The following ATP8B4 variants were observed in gnomAD, a reference collection of about 807,000 sequenced individuals.
ATP8B4 encodes the protein ATPase phospholipid transporting 8B4 (putative).
In ATP8B4, 133 loss-of-function variants were observed where a neutral mutation model predicts 145.6. The observed-to-expected ratio is 0.91, with a 90% confidence interval of 0.79 to 1.05. ATP8B4 has a LOEUF of 1.05. Among genes scored for constraint, ATP8B4 ranks in the 50% least tolerant of loss-of-function variants. The probability of loss-of-function intolerance (pLI) is 0.00; values close to 1 mark genes in which losing one functional copy is unlikely to be tolerated. For missense variants in ATP8B4, 1,458 were observed against 1,425.2 expected, an observed-to-expected ratio of 1.02 and a Z score of -0.37; for synonymous variants, 507 against 492.9, an observed-to-expected ratio of 1.03 and a Z score of -0.38.
intron 2 of ATP8B4, among the ~76,000 whole-genome samples, chr15:50,082,539 C>T (rs1254826464): frequency 1.3e-5 from 2 of 152,158 alleles, no homozygotes; most frequent in East Asian, 1.9e-4. Flanking sequence ...GATTTGAGAA[C>T]TTTATTCCTT....
chr15:50,035,721 C>T, intron 6 of ATP8B4, among the ~76,000 whole-genome samples: 1 of 152,140 alleles, frequency 6.6e-6, no homozygotes, highest in East Asian at 1.9e-4. Context: ...AAATCAATTG[C>T]CCAAAGTCAC....
intron 6 of ATP8B4, among the ~76,000 whole-genome samples, chr15:50,022,648 C>T (rs574776975): frequency 6.6e-6 from 1 of 152,252 alleles, no homozygotes; most frequent in Admixed American, 6.5e-5. Flanking sequence ...CGACACGCTC[C>T]CCTGGCCCAA....
Position 49,899,443 on chromosome 15 carries a change from C to T in ATP8B4, c.2290-1192G>A, listed in dbSNP as rs139721048. Among the ~76,000 whole-genome samples the T allele has an allele frequency of 6.2e-3, 937 of 152,104 alleles. 5 individuals are homozygous for T. The highest frequency in any genetic ancestry group is 8.3e-3 in the African/African-American group (345 of 41,508). ...AGACTTTAGCACTGTGACCGGGGCA[C>T]GCTTAATAAAAATGTCAATGGATGA... On this transcript the variant is annotated intron_variant, in intron 21 of 27. Coordinates refer to ENST00000284509, the MANE Select transcript of ATP8B4 (RefSeq NM_024837.4).
intron 9 of ATP8B4, among the ~76,000 whole-genome samples, chr15:49,995,815 T>C (rs2047377340): frequency 6.6e-6 from 1 of 152,114 alleles, no homozygotes; most frequent in Non-Finnish European, 1.5e-5. Context: ...GGCCAGACTG[T>C]CAAGTGGGTA....
At chr15:50,089,990 A>G (rs1041903357) in intron 2 of ATP8B4, among the ~76,000 whole-genome samples, 2 of 152,236 alleles carry the variant, frequency 1.3e-5, no homozygotes, top group Non-Finnish European at 2.9e-5. Context: ...AGACTGGATA[A>G]AGAAAATGTG....
At chr15:50,133,605 C>A (rs563202059) in intron 1 of ATP8B4, among the ~76,000 whole-genome samples, 1 of 151,796 alleles carries the variant, frequency 6.6e-6, no homozygotes, top group South Asian at 2.1e-4. Context: ...AAATAAAAAA[C>A]AAAAATAAAT....
At chr15:50,132,196 C>G (rs573124404) in intron 1 of ATP8B4, among the ~76,000 whole-genome samples, 1 of 152,198 alleles carries the variant, frequency 6.6e-6, no homozygotes, top group Non-Finnish European at 1.5e-5. Flanking sequence ...TGTTTCATGA[C>G]TTTCATAATA....
At chr15:49,864,453 C>T (rs1235392417) in intron 26 of ATP8B4, among the ~76,000 whole-genome samples, 1 of 152,170 alleles carries the variant, frequency 6.6e-6, no homozygotes, top group Admixed American at 6.5e-5. Context: ...GCGCATCTCT[C>T]TTTTCCAGTT....
chr15:49,956,092 A>C (rs1312373079), intron 14 of ATP8B4, among the ~76,000 whole-genome samples: 1 of 152,212 alleles, frequency 6.6e-6, no homozygotes, highest in East Asian at 1.9e-4. Flanking sequence ...ATCCCTATTA[A>C]GGGATTACTG....
At chr15:50,059,504 C>A (rs1600128269) in intron 3 of ATP8B4, among the ~76,000 whole-genome samples, 1 of 152,192 alleles carries the variant, frequency 6.6e-6, no homozygotes, top group Non-Finnish European at 1.5e-5. Context: ...AAACTAGATC[C>A]TTTCCCCTGT....
chr15:49,935,671 A>G (rs2041673517), intron 14 of ATP8B4, among the ~76,000 whole-genome samples: 1 of 152,134 alleles, frequency 6.6e-6, no homozygotes, highest in South Asian at 2.1e-4. Flanking sequence ...ATTACTCTCA[A>G]ACTTCAGAAG....
chr15:50,061,175 G>A lies in ATP8B4; in HGVS notation c.87+12952C>T, dbSNP rs2052989040. 3.5e-5 allele frequency among the ~76,000 whole-genome samples: 5 copies of A among 143,376 alleles called. No homozygotes were observed. The South Asian group carries it at 1.2e-3, about 34-fold the overall frequency. The allele number at this position is 143,376 out of a possible 152,430, so 94.1% of individuals were successfully genotyped here. ...CTGGACTTCGTTTTCAATCCTTTAA[G>A]AGAAGTATATTGGATAAAAAAAAAA... is the stretch of plus-strand genomic sequence containing the variant. On this transcript the variant is annotated intron_variant, in intron 3 of 27. Coordinates refer to ENST00000284509, the MANE Select transcript of ATP8B4 (RefSeq NM_024837.4).
In ATP8B4 at chr15:50,018,026, C is replaced by T. The variant is rs149173516; in HGVS notation, c.363-7109G>A. ...TTTTTGAAACGGAGTCTCACTCTGT[C>T]ATCCAGGCTGGAGTGCAGTGGCACC... On this transcript the variant is annotated intron_variant, in intron 6 of 27. Coordinates refer to ENST00000284509, the MANE Select transcript of ATP8B4 (RefSeq NM_024837.4). Among the ~76,000 whole-genome samples the T allele has an allele frequency of 5.7e-3, 786 of 138,976 alleles. 9 individuals carry two copies. The highest frequency in any genetic ancestry group is 0.037 in the South Asian group (164 of 4,438). The allele number at this position is 138,976 out of a possible 152,430, so 91.2% of individuals were successfully genotyped here.
chr15:50,087,312 AATAGATATAGATCTAT>A (rs2055261450), intron 2 of ATP8B4, among the ~76,000 whole-genome samples: 1 of 104,426 alleles, frequency 9.6e-6, no homozygotes, highest in South Asian at 3.3e-4. Flanking sequence ...TATTATATAT[AATAGATATAGATCTAT>A]ATTTATATAT....
At chr15:50,068,575 C>T (rs1474661514) in intron 3 of ATP8B4, among the ~76,000 whole-genome samples, 1 of 152,158 alleles carries the variant, frequency 6.6e-6, no homozygotes, top group Non-Finnish European at 1.5e-5. Flanking sequence ...AATAACTCCA[C>T]TCAGGAAAAA....
intron 3 of ATP8B4, among the ~76,000 whole-genome samples, chr15:50,051,872 T>G (rs1394936839): frequency 6.6e-6 from 1 of 152,186 alleles, no homozygotes; most frequent in Non-Finnish European, 1.5e-5. Context: ...GTGGGATAAA[T>G]AATGCCAAAC....
chr15:49,918,826 AT>A lies in ATP8B4; in HGVS notation c.2035+12del. On this transcript the variant is annotated intron_variant, in intron 19 of 27. Coordinates refer to ENST00000284509, the MANE Select transcript of ATP8B4 (RefSeq NM_024837.4). ...CATTTTCAAAATATCATCAACATCC[AT>A]TTTCAAGTTACCTTGTTTGTCTCCT... 1 of 1,572,764 alleles carries A rather than the reference AT, an allele frequency of 6.4e-7. No homozygotes were observed. The highest frequency in any genetic ancestry group is 1.4e-5 in the African/African-American group (1 of 73,862).
chr15:49,928,112 G>C (rs546782613), intron 16 of ATP8B4, among the ~76,000 whole-genome samples: 12 of 152,208 alleles, frequency 7.9e-5, no homozygotes, highest in African/African-American at 2.9e-4. Context: ...TCTGTGCTTT[G>C]CCTTGGGCAG....
At chr15:50,125,834 C>T (rs186969726) in intron 1 of ATP8B4, among the ~76,000 whole-genome samples, 1 of 152,132 alleles carries the variant, frequency 6.6e-6, no homozygotes, top group African/African-American at 2.4e-5. Flanking sequence ...TAGAAACTGC[C>T]TCTTCTTTTC....
Sources: gnomAD v4.1 joint callset for allele counts (sites outside exome capture counted in the v4.1 genomes callset) on GRCh38, gnomAD v4.1.1 for gene constraint, MANE v1.5 for transcripts, NCBI Gene and HGNC (gene_info 2026-07-23, HGNC 2026-07-21) for gene names.